The following NKAIN3 variants were observed in gnomAD, a reference collection of about 807,000 sequenced individuals.
NKAIN3 encodes sodium/potassium-transporting ATPase subunit beta-1-interacting protein 3.
A neutral mutation model predicts 30.2 loss-of-function variants in NKAIN3; 25 were observed. That is an observed-to-expected ratio of 0.83 (90% confidence interval 0.60 to 1.16). The LOEUF (loss-of-function observed/expected upper bound fraction) is 1.16. Ranked by LOEUF, NKAIN3 falls within the 50% of genes most tolerant of loss-of-function variation. The pLI is 0.00. For missense variants in NKAIN3, 225 were observed against 254.1 expected (o/e 0.89, Z 0.78); for synonymous variants, 91 against 89.6 (o/e 1.02, Z -0.09).
chr8:62,602,058 G>C (rs931130451), intron 3 of NKAIN3, among the ~76,000 whole-genome samples: 1 of 151,954 alleles, frequency 6.6e-6, no homozygotes, highest in African/African-American at 2.4e-5. Flanking sequence ...ATCCTAAAAA[G>C]CCAATTTGAA....
chr8:62,323,822 G>T (rs900764471), intron 1 of NKAIN3, among the ~76,000 whole-genome samples: 1 of 152,084 alleles, frequency 6.6e-6, no homozygotes, highest in Non-Finnish European at 1.5e-5. Context: ...GAAACCTTAA[G>T]AGCATATTGC....
At chr8:62,859,375 A>G (rs1820166782) in intron 4 of NKAIN3, among the ~76,000 whole-genome samples, 1 of 151,970 alleles carries the variant, frequency 6.6e-6, no homozygotes, top group African/African-American at 2.4e-5. Flanking sequence ...ACACAGAGGT[A>G]TCTACTTTAT....
chr8:62,498,644 A>G (rs921564022), intron 1 of NKAIN3, among the ~76,000 whole-genome samples: 1 of 152,056 alleles, frequency 6.6e-6, no homozygotes, highest in Non-Finnish European at 1.5e-5. Context: ...GTTGCATGGC[A>G]GAGGTACTGA....
rs35150872 is a variant in NKAIN3 at position 62,965,620 on chromosome 8, TAAAA to T, written c.*226_*229del. On this transcript the variant is annotated 3_prime_UTR_variant, in exon 7 of 7. Transcript: ENST00000623646. ...TTCTTATATGAACACTTGTAAGTTG[TAAAA>T]AAAAAAAAAAAAGAAAAAACAGAAT... 2.6e-5 allele frequency: 23 copies of T among 886,208 alleles called. No homozygotes were observed. The highest frequency in any genetic ancestry group is 1.2e-4 in the East Asian group (1 of 8,100). The allele number at this position is 886,208 out of a possible 1,614,324, so 54.9% of individuals were successfully genotyped here.
chr8:62,569,203 A>C (rs953832507), intron 1 of NKAIN3, among the ~76,000 whole-genome samples: 7 of 152,176 alleles, frequency 4.6e-5, no homozygotes, highest in African/African-American at 1.7e-4. Context: ...GCATAGTGGC[A>C]AGTCTCCAGG....
chr8:62,774,163 A>G (rs1817107571), intron 4 of NKAIN3, among the ~76,000 whole-genome samples: 1 of 152,046 alleles, frequency 6.6e-6, no homozygotes, highest in African/African-American at 2.4e-5. Flanking sequence ...CTTTATTTGT[A>G]GGTATTGTAA....
intron 3 of NKAIN3, among the ~76,000 whole-genome samples, chr8:62,710,511 T>C (rs1814680257): frequency 6.6e-6 from 1 of 152,180 alleles, no homozygotes; most frequent in African/African-American, 2.4e-5. Context: ...TGCTTTAAAG[T>C]TTGTTTTACC....
chr8:62,805,890 T>C lies in NKAIN3; in HGVS notation c.471+58761T>C, dbSNP rs541488702. Among the ~76,000 whole-genome samples the C allele has an allele frequency of 1.4e-4, 21 of 152,278 alleles. No homozygotes were observed. In the East Asian group the frequency reaches 2.7e-3, roughly 20 times the overall value. On this transcript the variant is annotated intron_variant, in intron 4 of 6. Coordinates refer to ENST00000623646, the MANE Select transcript of NKAIN3 (RefSeq NM_001304533.3). ...AACCTACAAAATGGGAGAAAATTTT[T>C]GCAACCTACTCATCTGACAAAGGGC...
intron 1 of NKAIN3, among the ~76,000 whole-genome samples, chr8:62,275,490 A>G (rs1812919324): frequency 6.6e-6 from 1 of 152,228 alleles, no homozygotes; most frequent in South Asian, 2.1e-4. Flanking sequence ...TTATGAGCCT[A>G]TTAAGCTGAT....
intron 3 of NKAIN3, among the ~76,000 whole-genome samples, chr8:62,726,639 T>C (rs1815268086): frequency 6.6e-6 from 1 of 152,052 alleles, no homozygotes; most frequent in Non-Finnish European, 1.5e-5. Context: ...ATCCCTTTAT[T>C]TAATCTTTAC....
rs1823891954 is a variant in NKAIN3, at chr8:62,974,053, T to G, written c.*8646T>G. 6.6e-6 allele frequency among the ~76,000 whole-genome samples: 1 copy of G among 152,216 alleles called. No homozygotes were observed. Among genetic ancestry groups the G allele is most frequent in the Admixed American group, 6.5e-5 (1 of 15,282 alleles). ...CTGTTTTAGTAAAAGTACCATGTTG[T>G]TTTGGTTACTGTAGCCTTGTAGTAT... On this transcript the variant is annotated 3_prime_UTR_variant, in exon 7 of 7. Transcript: ENST00000623646.
chr8:62,318,088 G>T (rs10093966), intron 1 of NKAIN3, among the ~76,000 whole-genome samples: 148,427 of 152,286 alleles, frequency 0.97, 72,363 homozygotes, highest in East Asian at 1. Context: ...TGTCTGTTAT[G>T]GGTGTATAAG....
chr8:62,711,337 G>C (rs757471404), intron 3 of NKAIN3, among the ~76,000 whole-genome samples: 3 of 152,026 alleles, frequency 2.0e-5, no homozygotes, highest in African/African-American at 7.2e-5. Flanking sequence ...TGTTTTCCAC[G>C]GTTTTAGAAT....
At chr8:62,398,117 G>A (rs1240628528) in intron 1 of NKAIN3, among the ~76,000 whole-genome samples, 1 of 152,088 alleles carries the variant, frequency 6.6e-6, no homozygotes, top group Admixed American at 6.5e-5. Context: ...AGATGAACGA[G>A]GAGATAACAT....
At chr8:62,445,341 A>C (rs1275850277) in intron 1 of NKAIN3, among the ~76,000 whole-genome samples, 1 of 150,644 alleles carries the variant, frequency 6.6e-6, no homozygotes, top group East Asian at 2.0e-4. Context: ...AGAAATATCT[A>C]TTCAGATCTT....
intron 1 of NKAIN3, among the ~76,000 whole-genome samples, chr8:62,320,254 A>G (rs1234627571): frequency 2.0e-5 from 3 of 152,212 alleles, no homozygotes; most frequent in Middle Eastern, 3.4e-3. Flanking sequence ...TTTCCTGAAT[A>G]CAGCGCACTG....
intron 1 of NKAIN3, among the ~76,000 whole-genome samples, chr8:62,455,570 A>G (rs1563406577): frequency 6.6e-6 from 1 of 152,154 alleles, no homozygotes; most frequent in Non-Finnish European, 1.5e-5. Context: ...ACTGAGTACT[A>G]TGCTCACTAC....
At chr8:62,686,101 C>T (rs922663756) in intron 3 of NKAIN3, among the ~76,000 whole-genome samples, 3 of 152,122 alleles carry the variant, frequency 2.0e-5, no homozygotes, top group African/African-American at 7.2e-5. Flanking sequence ...CCTATCACGG[C>T]TTACTCTCCA....
intron 1 of NKAIN3, among the ~76,000 whole-genome samples, chr8:62,358,759 A>T (rs987104785): frequency 4.6e-5 from 7 of 152,208 alleles, no homozygotes; most frequent in African/African-American, 1.7e-4. Context: ...TAAAATGATA[A>T]TCTAGGTCTA....
Sources: allele counts gnomAD v4.1 joint callset (sites outside exome capture counted in the v4.1 genomes callset), GRCh38; gene constraint gnomAD v4.1.1; transcripts MANE v1.5; gene names NCBI Gene and HGNC (gene_info 2026-07-23, HGNC 2026-07-21).